The following USP40 variants were observed in gnomAD, a reference collection of about 807,000 sequenced individuals.
The protein encoded by USP40 is ubiquitin specific peptidase 40.
Under a neutral mutation model 166.2 loss-of-function variants are expected in USP40, and 143 were observed. That is an observed-to-expected ratio of 0.86 (90% CI 0.75 to 0.99). The LOEUF (loss-of-function observed/expected upper bound fraction) is 0.99. Among genes scored for constraint, USP40 ranks in the 50% least tolerant of loss-of-function variants. USP40 has a pLI of 0.00. For missense variants in USP40, 1,444 were observed against 1,479.7 expected, an observed-to-expected ratio of 0.98 and a Z score of 0.40; for synonymous variants, 498 against 524.0, an observed-to-expected ratio of 0.95 and a Z score of 0.68.
At chr2:233,496,614 C>A (rs1180469097) in intron 24 of USP40, 144 bp downstream of exon 24, 2 of 475,158 alleles carry the variant, frequency 4.2e-6, no homozygotes, top group Admixed American at 3.9e-5. Context: ...GGAAACATAT[C>A]TGATTGATAG....
intron 30 of USP40, 76 bp downstream of exon 30, chr2:233,485,455 T>C (rs2064882756): frequency 8.9e-7 from 1 of 1,125,384 alleles, no homozygotes; most frequent in Non-Finnish European, 1.3e-6. Context: ...TCTTGAAGAT[T>C]CAATAAAACG....
Position 233,533,769 on chromosome 2 carries a change from A to T in USP40, c.1181T>A (p.Leu394His), listed in dbSNP as rs753182502. The change falls in exon 11 of 32, where the codon CTC (leucine) becomes CAC (histidine). Residue 394 changes from leucine (L) to histidine (H), a missense_variant. Leu to His is a moderately conservative substitution (Grantham distance 99, BLOSUM62 -3). Transcript: ENST00000678225. ...QHGPLRKFLQ[L>H]HSQIFLLSSD... ...ACTGAGTAGAAATATCTGAGAATGG[A>T]GCTGTAAGAACTACACAGAAACAAA... 1 of 1,593,056 alleles carries T rather than the reference A, an allele frequency of 6.3e-7. No individual in the cohort carries two copies. The highest frequency in any genetic ancestry group is 8.5e-7 in the Non-Finnish European group (1 of 1,170,300).
rs1175828527 is a variant in USP40 at position 233,533,489 on chromosome 2, T to C, written c.1461A>G (p.Arg487=). 1 of 1,612,354 alleles carries C rather than the reference T, an allele frequency of 6.2e-7. No homozygotes were observed. The part of the protein sequence containing the change: ...MLFYRKSQLQ[R]PPEARANPRY... ...TTTTTCTTTCCATACCTTCAGGGGG[T>C]CTCTGCAACTGGGATTTCCGATAAA... is the stretch of plus-strand genomic sequence containing the variant. Residue 487 remains arginine, a synonymous_variant, in exon 11 of 32, where the codon AGA becomes AGG. Coordinates refer to ENST00000678225, the MANE Select transcript of USP40 (RefSeq NM_001365479.2).
At chr2:233,481,357 AAG>A (rs1439995989) in intron 30 of USP40, 60 bp from the exon 31 acceptor site, 2 of 1,461,244 alleles carry the variant, frequency 1.4e-6, no homozygotes, top group East Asian at 4.9e-5. Context: ...CTACATTTAA[AAG>A]AGGCATGTCT....
At chr2:233,547,384 A>T (rs903453382) in intron 8 of USP40, among the ~76,000 whole-genome samples, 21 of 152,306 alleles carry the variant, frequency 1.4e-4, no homozygotes, top group Admixed American at 1.3e-3. Context: ...ATACGTTCCA[A>T]ATACAACTGA....
At chr2:233,538,612 C>T (rs1019375326) in intron 10 of USP40, among the ~76,000 whole-genome samples, 2 of 151,994 alleles carry the variant, frequency 1.3e-5, no homozygotes, top group African/African-American at 4.8e-5. Context: ...CATAATTTTC[C>T]AAAATAAACA....
At position 233,491,271 on chromosome 2, in the gene USP40, G is replaced by A. The variant is rs781172699; in HGVS notation, c.2918-10C>T. 5.6e-6 allele frequency: 9 copies of A among 1,593,334 alleles called. No individual in the cohort carries two copies. Among genetic ancestry groups the A allele is most frequent in the Middle Eastern group, 1.7e-4 (1 of 6,050 alleles). Reference sequence around the variant, plus strand: ...TCGTTCCCAGAAGCACCTTCCAAAGGACAGAGCGGGATGTTTACAAGGAAC... The same window carrying A: ...TCGTTCCCAGAAGCACCTTCCAAAGAACAGAGCGGGATGTTTACAAGGAAC... On this transcript the variant is annotated splice_polypyrimidine_tract_variant and intron_variant, in intron 25 of 31. Transcript: ENST00000678225.
chr2:233,524,300 T>G (rs923749713), intron 15 of USP40, among the ~76,000 whole-genome samples, 192 bp downstream of exon 15: 2 of 152,152 alleles, frequency 1.3e-5, no homozygotes, highest in Non-Finnish European at 2.9e-5. Context: ...TAGCTAATTT[T>G]TGTATTTTTA....
chr2:233,563,084 T>A (rs761042199), intron 2 of USP40, among the ~76,000 whole-genome samples: 1 of 152,202 alleles, frequency 6.6e-6, no homozygotes, highest in Non-Finnish European at 1.5e-5. Flanking sequence ...AAATCTTTCA[T>A]GGCTTCCCAC....
intron 21 of USP40, 122 bp downstream of exon 21, chr2:233,509,927 C>A: frequency 1.5e-6 from 1 of 647,604 alleles, no homozygotes; most frequent in Non-Finnish European, 2.7e-6. Context: ...ATATAATTCT[C>A]TGAAGTACAC....
rs143117123 is a variant in USP40 at position 233,478,995 on chromosome 2, T to A, written c.3600-1492A>T. Among the ~76,000 whole-genome samples, 733 of 151,320 alleles carry A rather than the reference T, an allele frequency of 4.8e-3. 10 individuals carry two copies. The highest frequency in any genetic ancestry group is 0.017 in the African/African-American group (687 of 41,328). On this transcript the variant is annotated intron_variant, in intron 31 of 31. Coordinates refer to ENST00000678225, the MANE Select transcript of USP40 (RefSeq NM_001365479.2). ...TGACACTATTAACTCCAAAAAAAAA[T>A]GAAAAACAATATAGTAAGTGGTTAC...
intron 20 of USP40, among the ~76,000 whole-genome samples, chr2:233,510,392 CTTTTTT>C (rs1158427662): frequency 3.3e-4 from 23 of 68,688 alleles, no homozygotes; most frequent in Non-Finnish European, 5.8e-4. Context: ...CTTTTTCTTT[CTTTTTT>C]TTTTTTTTTT....
intron 10 of USP40, among the ~76,000 whole-genome samples, chr2:233,538,243 T>C (rs571936900): frequency 6.6e-6 from 1 of 151,850 alleles, no homozygotes; most frequent in East Asian, 1.9e-4. Context: ...AGAGGAGAAA[T>C]AGAAAACAAA....
chr2:233,506,963 A>G (rs765268591), intron 21 of USP40, among the ~76,000 whole-genome samples: 2 of 152,096 alleles, frequency 1.3e-5, no homozygotes, highest in East Asian at 3.9e-4. Context: ...TAAGGAACTT[A>G]AACAATTCAA....
intron 15 of USP40, among the ~76,000 whole-genome samples, chr2:233,524,003 A>T (rs1281141522): frequency 6.6e-6 from 1 of 152,242 alleles, no homozygotes; most frequent in Non-Finnish European, 1.5e-5. Context: ...ACAACCTGGT[A>T]TAACGGAGGC....
rs985576785 is a variant in USP40 at position 233,487,921 on chromosome 2, G to A, written c.3197+318C>T. The A allele has an allele frequency of 9.2e-5, 53 of 573,314 alleles. No homozygotes were observed. In the Admixed American group the frequency reaches 1.1e-3, roughly 12 times the overall value. The allele number at this position is 573,314 out of a possible 1,614,324, so 35.5% of individuals were successfully genotyped here. A position where few individuals can be genotyped will look rare whatever the true frequency, so the allele number is the denominator to read the frequency against. On this transcript the variant is annotated intron_variant, in intron 28 of 31. Transcript: ENST00000678225. ...GACGGGAGCAATGATGAATCCGTTG[G>A]ATGGCAGACTGTCCGAACACACTGA...
intron 11 of USP40, among the ~76,000 whole-genome samples, chr2:233,532,236 G>A (rs559106864): frequency 3.5e-4 from 53 of 152,294 alleles, no homozygotes; most frequent in African/African-American, 1.3e-3. Flanking sequence ...GGTGTTGCCT[G>A]CAGCCAATCA....
rs764754718 is a variant in USP40 at position 233,493,508 on chromosome 2, G to A, written c.2834C>T (p.Pro945Leu). 11 of 1,613,520 alleles carry A rather than the reference G, an allele frequency of 6.8e-6. No homozygotes were observed. Among genetic ancestry groups the A allele is most frequent in the African/African-American group, 1.3e-5 (1 of 74,890 alleles). ...VPIWWYQLQG[P>L]SGHWESHQDQ... ...CTGATGACTCTCCCAGTGTCCTGAG[G>A]GACCCTGAAGCTGGTACCACCAGAT... is the stretch of plus-strand genomic sequence containing the variant. Residue 945 changes from proline to leucine, a missense_variant, in exon 25 of 32, where the codon CCC becomes CTC. Transcript: ENST00000678225. This position sits in a 1 kb window ranked among gnomAD's most constrained non-coding sequence, Gnocchi z 4.7.
At chr2:233,566,159 G>A (rs1430679616) in intron 1 of USP40, among the ~76,000 whole-genome samples, 1 of 151,220 alleles carries the variant, frequency 6.6e-6, no homozygotes, top group Non-Finnish European at 1.5e-5. Flanking sequence ...ACTGGGGAGG[G>A]AGGGGGGAAG....
Sources: allele counts gnomAD v4.1 joint callset (sites outside exome capture counted in the v4.1 genomes callset), GRCh38; gene constraint gnomAD v4.1.1; non-coding constraint Gnocchi (gnomAD v3.1); transcripts MANE v1.5; gene names NCBI Gene and HGNC (gene_info 2026-07-23, HGNC 2026-07-21).